PLA2G4A: variants seen among roughly 807,000 people sequenced by gnomAD.
PLA2G4A encodes phospholipase A2 group IVA.
PLA2G4A carries 40 observed loss-of-function variants against 81.9 expected under a neutral mutation model. The observed-to-expected ratio is 0.49, with a 90% CI of 0.38 to 0.64. PLA2G4A has a LOEUF of 0.64. Among genes scored for constraint, PLA2G4A ranks in the 30% least tolerant of loss-of-function variants. The pLI, the probability that PLA2G4A is intolerant of heterozygous loss-of-function variation, is 0.00. For synonymous variants in PLA2G4A, 302 were observed against 296.9 expected (o/e 1.02, Z -0.18); for missense variants, 715 against 905.1 (o/e 0.79, Z 2.69).
chr1:186,962,415 C>T (rs926725260), intron 14 of PLA2G4A, among the ~76,000 whole-genome samples: 4 of 151,974 alleles, frequency 2.6e-5, no homozygotes, highest in Admixed American at 6.6e-5. Context: ...CGATAAAATA[C>T]ACATATTAAT....
chr1:186,953,291 T>G lies in PLA2G4A; in HGVS notation c.1336+2563T>G, dbSNP rs116801109. On this transcript the variant is annotated intron_variant, in intron 13 of 17. Transcript: ENST00000367466. ...GGTATGTAGTAGTATCTTTTTATTG[T>G]TTTAATTTGCATTTCTCAAATGACA... is the stretch of plus-strand genomic sequence containing the variant. 4.5e-3 allele frequency among the ~76,000 whole-genome samples: 684 copies of G among 152,348 alleles called. 8 individuals are homozygous for G. The highest frequency in any genetic ancestry group is 0.016 in the African/African-American group (645 of 41,580).
chr1:186,944,052 G>T lies in PLA2G4A; in HGVS notation c.1034-2585G>T, dbSNP rs530125433. On this transcript the variant is annotated intron_variant, in intron 10 of 17. Coordinates refer to ENST00000367466, the MANE Select transcript of PLA2G4A (RefSeq NM_024420.3). The stretch of plus-strand genomic sequence containing the variant: ...AGAAAAGAATAGATGGATATGAGAG[G>T]CCTAAAGGTTATCGGTGTGATGCAA... Among the ~76,000 whole-genome samples, 222 of 152,238 alleles carry T rather than the reference G, an allele frequency of 1.5e-3. 1 individual carries two copies. The highest frequency in any genetic ancestry group is 3.9e-3 in the Admixed American group (59 of 15,276).
intron 3 of PLA2G4A, among the ~76,000 whole-genome samples, chr1:186,879,277 G>A (rs576696687): frequency 2.0e-5 from 3 of 151,994 alleles, no homozygotes; most frequent in South Asian, 2.1e-4. Flanking sequence ...AAATGACAAC[G>A]TTGAGATTTT....
At chr1:186,975,916 A>G (rs1402976216) in intron 15 of PLA2G4A, among the ~76,000 whole-genome samples, 4 of 152,160 alleles carry the variant, frequency 2.6e-5, no homozygotes, top group African/African-American at 9.7e-5. Context: ...ATACTTTTCT[A>G]TAATATCTAT....
At chr1:186,900,144 C>T (rs1654485170) in intron 5 of PLA2G4A, among the ~76,000 whole-genome samples, 1 of 152,108 alleles carries the variant, frequency 6.6e-6, no homozygotes, top group Non-Finnish European at 1.5e-5. Context: ...CAACCTGCTG[C>T]TTTTGACTCA....
intron 7 of PLA2G4A, among the ~76,000 whole-genome samples, chr1:186,915,788 CTG>C (rs1259279935): frequency 6.6e-6 from 1 of 152,152 alleles, no homozygotes; most frequent in African/African-American, 2.4e-5. Flanking sequence ...CACCAAGTGA[CTG>C]TTTTTGTGGT....
At chr1:186,841,147 G>T (rs58218233) in intron 1 of PLA2G4A, among the ~76,000 whole-genome samples, 10,608 of 152,230 alleles carry the variant, frequency 0.07, 440 homozygotes, top group African/African-American at 0.097. Flanking sequence ...ATAATGGTCT[G>T]TGTGGGAAGA....
intron 1 of PLA2G4A, among the ~76,000 whole-genome samples, chr1:186,829,681 C>G (rs1349735118): frequency 6.6e-6 from 1 of 151,356 alleles, no homozygotes; most frequent in Non-Finnish European, 1.5e-5. Context: ...GATCAAATTA[C>G]ATAGTTAAAT....
At chr1:186,862,294 A>G (rs1652839494) in intron 2 of PLA2G4A, among the ~76,000 whole-genome samples, 1 of 140,068 alleles carries the variant, frequency 7.1e-6, no homozygotes, top group Non-Finnish European at 1.5e-5. Flanking sequence ...GGCTCATTGC[A>G]GCCTCTGCCT....
At position 186,919,919 on chromosome 1, in the gene PLA2G4A, C is replaced by T. The variant is rs577573280; in HGVS notation, c.558+8530C>T. On this transcript the variant is annotated intron_variant, in intron 7 of 17. Transcript: ENST00000367466. ...GTGTTCCATGGAGACTGGCAAGGAA[C>T]TATAATTCCATAGGCTTTCAAGCAC... Among the ~76,000 whole-genome samples, 72 of 152,228 alleles carry T rather than the reference C, an allele frequency of 4.7e-4. No homozygotes were observed. In the South Asian group the frequency reaches 7.9e-3, roughly 17 times the overall value.
intron 15 of PLA2G4A, among the ~76,000 whole-genome samples, chr1:186,966,283 C>T (rs943030433): frequency 6.6e-6 from 1 of 151,298 alleles, no homozygotes; most frequent in Non-Finnish European, 1.5e-5. Context: ...GGCTAGGAGT[C>T]GTTAATGAAG....
intron 2 of PLA2G4A, among the ~76,000 whole-genome samples, chr1:186,866,262 T>A (rs1653027216): frequency 6.6e-6 from 1 of 152,114 alleles, no homozygotes; most frequent in African/African-American, 2.4e-5. Flanking sequence ...TGGATAATCA[T>A]CGATTGAAAC....
intron 17 of PLA2G4A, among the ~76,000 whole-genome samples, chr1:186,981,809 A>G (rs1657727684): frequency 6.6e-6 from 1 of 152,216 alleles, no homozygotes; most frequent in South Asian, 2.1e-4. Context: ...ATGAAAGTGA[A>G]AAGGACCAAA....
At chr1:186,909,096 C>G (rs1191989123) in intron 6 of PLA2G4A, among the ~76,000 whole-genome samples, 2 of 149,582 alleles carry the variant, frequency 1.3e-5, no homozygotes, top group South Asian at 2.1e-4. Flanking sequence ...GCCTCAGCCT[C>G]CCGAGTAGCT....
At position 186,942,748 on chromosome 1, in the gene PLA2G4A, A is replaced by G. The variant is rs112369886; in HGVS notation, c.1033+2654A>G. ...TATTCTGGGTTCTTTTAGACTGAAA[A>G]AATGCTGTTTTATATTCAGTTAGTA... On this transcript the variant is annotated intron_variant, in intron 10 of 17. Transcript: ENST00000367466. Among the ~76,000 whole-genome samples the G allele has an allele frequency of 3.4e-3, 515 of 152,280 alleles. 1 individual carries two copies. Among genetic ancestry groups the G allele is most frequent in the African/African-American group, 0.012 (490 of 41,552 alleles).
At chr1:186,945,703 A>G (rs12720613) in intron 10 of PLA2G4A, among the ~76,000 whole-genome samples, 6,510 of 152,204 alleles carry the variant, frequency 0.043, 188 homozygotes, top group African/African-American at 0.076. Flanking sequence ...ATATAGTACC[A>G]TTTACCAACA....
At chr1:186,984,480 CT>C (rs1239209902) in intron 17 of PLA2G4A, among the ~76,000 whole-genome samples, 2 of 152,028 alleles carry the variant, frequency 1.3e-5, no homozygotes, top group African/African-American at 4.8e-5. Context: ...AAGTAATGAG[CT>C]TTTTTCTTTC....
At position 186,894,161 on chromosome 1, in the gene PLA2G4A, T is replaced by A. The variant is rs1271024686; in HGVS notation, c.328T>A (p.Ser110Thr). ...TCTAGGGACAGCAACATTTACTGTA[T>A]CTTCTATGAAGGTGGGAGAAAAGAA... ...ETLGTATFTVSSMKVGEKKEV... is the reference protein window; with the variant it reads ...ETLGTATFTVTSMKVGEKKEV... Residue 110 changes from serine (S) to threonine (T), a missense_variant, in exon 5 of 18, where the codon TCT (serine) becomes ACT (threonine). Ser to Thr is a moderately conservative substitution (Grantham distance 58). Coordinates refer to ENST00000367466, the MANE Select transcript of PLA2G4A (RefSeq NM_024420.3). 1 of 1,521,530 alleles carries A rather than the reference T, an allele frequency of 6.6e-7. No individual in the cohort carries two copies. 94.3% of individuals were successfully genotyped at this position (1,521,530 alleles called of 1,614,324 possible).
intron 5 of PLA2G4A, among the ~76,000 whole-genome samples, chr1:186,904,842 G>A (rs1343321392): frequency 7.4e-6 from 1 of 135,842 alleles, no homozygotes; most frequent in East Asian, 2.1e-4. Context: ...AGAACAAACA[G>A]GCAGGGATAT....
Sources: gnomAD v4.1 joint callset for allele counts (sites outside exome capture counted in the v4.1 genomes callset) on GRCh38, gnomAD v4.1.1 for gene constraint, MANE v1.5 for transcripts, NCBI Gene and HGNC (gene_info 2026-07-23, HGNC 2026-07-21) for gene names.